GPC5: variants seen among roughly 807,000 people sequenced by gnomAD.
GPC5 encodes glypican 5.
GPC5 carries 47 observed loss-of-function variants against 53.9 expected under a neutral mutation model. The observed-to-expected ratio is 0.87, with a 90% confidence interval of 0.69 to 1.11. The LOEUF (loss-of-function observed/expected upper bound fraction) is 1.11. Among genes scored for constraint, GPC5 ranks in the 50% most tolerant of loss-of-function variants. GPC5 has a pLI of 0.00. For missense variants in GPC5, 748 were observed against 713.1 expected (o/e 1.05, Z -0.56); for synonymous variants, 286 against 263.3 (o/e 1.09, Z -0.84).
rs550763053 is a variant in GPC5 at position 92,326,442 on chromosome 13, A to G, written c.1561+181453A>G. 3.6e-4 allele frequency among the ~76,000 whole-genome samples: 55 copies of G among 152,238 alleles called. No individual in the cohort carries two copies. The Middle Eastern group carries it at 0.017, about 47-fold the overall frequency. On this transcript the variant is annotated intron_variant, in intron 7 of 7. Transcript: ENST00000377067. Reference sequence around the variant, plus strand: ...AACTTCAGCCAGTGTGTATATGTATATGTATTTGTTTGCTGTTGGTAGTTT... The same window carrying G: ...AACTTCAGCCAGTGTGTATATGTATGTGTATTTGTTTGCTGTTGGTAGTTT...
At chr13:92,630,198 G>A (rs561746330) in intron 7 of GPC5, among the ~76,000 whole-genome samples, 2 of 152,144 alleles carry the variant, frequency 1.3e-5, no homozygotes, top group Admixed American at 1.3e-4. Context: ...GCAATGGACT[G>A]TTCTACGTAA....
intron 2 of GPC5, among the ~76,000 whole-genome samples, chr13:91,515,884 A>G (rs975836841): frequency 1.3e-5 from 2 of 152,216 alleles, no homozygotes; most frequent in Admixed American, 6.5e-5. Context: ...TCTCAGAATC[A>G]TGGCAGGAGG....
intron 3 of GPC5, among the ~76,000 whole-genome samples, chr13:91,707,299 C>T (rs1274013229): frequency 1.4e-5 from 2 of 144,058 alleles, no homozygotes; most frequent in African/African-American, 3.0e-5. Context: ...AGTGAGATGC[C>T]GCTTCACACT....
chr13:92,589,773 A>C (rs1260598132), intron 7 of GPC5, among the ~76,000 whole-genome samples: 1 of 152,228 alleles, frequency 6.6e-6, no homozygotes. Flanking sequence ...TAGGATTCAG[A>C]GTTAGTATTT....
intron 6 of GPC5, among the ~76,000 whole-genome samples, chr13:92,099,068 A>G (rs577868672): frequency 6.6e-6 from 1 of 151,852 alleles, no homozygotes; most frequent in Non-Finnish European, 1.5e-5. Context: ...CCCTGCGTCT[A>G]ATTGATTATT....
intron 2 of GPC5, among the ~76,000 whole-genome samples, chr13:91,611,308 G>T (rs191277715): frequency 1.4e-4 from 21 of 152,298 alleles, no homozygotes; most frequent in Admixed American, 6.5e-4. Flanking sequence ...GGTCAAGGCT[G>T]TTAGGCATAT....
chr13:92,737,766 CTTTTTT>C (rs33914729), intron 7 of GPC5, among the ~76,000 whole-genome samples: 1 of 102,134 alleles, frequency 9.8e-6, no homozygotes, highest in African/African-American at 3.8e-5. Flanking sequence ...TTTTCTTTTT[CTTTTTT>C]TTTTTTTTTT....
At position 92,054,958 on chromosome 13, in the gene GPC5, G is replaced by A. The variant is rs1241972157; in HGVS notation, c.1402-89872G>A. Among the ~76,000 whole-genome samples, 33 of 152,106 alleles carry A rather than the reference G, an allele frequency of 2.2e-4. 1 individual carries two copies. Among genetic ancestry groups the A allele is most frequent in the Admixed American group, 2.2e-3 (33 of 15,266 alleles). On this transcript the variant is annotated intron_variant, in intron 6 of 7. Transcript: ENST00000377067. Reference sequence around the variant, plus strand: ...TATATGTACATAAAGTTAATTTTCTGTCTCAAGAGTAACAGAGATATAAAA... The same window carrying A: ...TATATGTACATAAAGTTAATTTTCTATCTCAAGAGTAACAGAGATATAAAA...
At chr13:92,675,075 T>C (rs965718982) in intron 7 of GPC5, among the ~76,000 whole-genome samples, 4 of 152,158 alleles carry the variant, frequency 2.6e-5, no homozygotes, top group African/African-American at 4.8e-5. Context: ...TGTCAAATAC[T>C]TCTTTACTTT....
At chr13:92,663,903 T>TATACACAC (rs1886478093) in intron 7 of GPC5, among the ~76,000 whole-genome samples, 1 of 83,182 alleles carries the variant, frequency 1.2e-5, no homozygotes, top group African/African-American at 5.2e-5. Flanking sequence ...TATATATATA[T>TATACACAC]ACACACACAC....
intron 6 of GPC5, among the ~76,000 whole-genome samples, chr13:92,005,006 G>A (rs1406246375): frequency 6.6e-6 from 1 of 152,118 alleles, no homozygotes; most frequent in Non-Finnish European, 1.5e-5. Context: ...CAAATTGAGG[G>A]TGGGTCTGCC....
chr13:92,279,633 G>T (rs541877253), intron 7 of GPC5, among the ~76,000 whole-genome samples: 3 of 151,672 alleles, frequency 2.0e-5, no homozygotes, highest in African/African-American at 7.3e-5. Context: ...ATTATGAAAG[G>T]GTATTGAATT....
chr13:91,982,899 A>G (rs1009697581), intron 6 of GPC5, among the ~76,000 whole-genome samples: 1 of 152,204 alleles, frequency 6.6e-6, no homozygotes, highest in Non-Finnish European at 1.5e-5. Context: ...ACCTTTACTC[A>G]CAGACACATA....
intron 4 of GPC5, among the ~76,000 whole-genome samples, chr13:91,746,241 C>T (rs1205506929): frequency 6.6e-6 from 1 of 152,114 alleles, no homozygotes; most frequent in Non-Finnish European, 1.5e-5. Context: ...AACTAGCAAA[C>T]TGCACATTTG....
chr13:92,384,657 G>T (rs1297773840), intron 7 of GPC5, among the ~76,000 whole-genome samples: 2 of 151,650 alleles, frequency 1.3e-5, no homozygotes, highest in African/African-American at 4.8e-5. Flanking sequence ...AGGGGAATAA[G>T]GTAGCCTCAC....
At chr13:92,098,178 G>C (rs2041436420) in intron 6 of GPC5, among the ~76,000 whole-genome samples, 1 of 152,022 alleles carries the variant, frequency 6.6e-6, no homozygotes, top group Non-Finnish European at 1.5e-5. Context: ...CCCTCTTGTA[G>C]GCTCCAGTGT....
intron 7 of GPC5, among the ~76,000 whole-genome samples, chr13:92,502,867 C>A (rs987273439): frequency 6.6e-6 from 1 of 151,912 alleles, no homozygotes; most frequent in Non-Finnish European, 1.5e-5. Context: ...TTGGAGCACT[C>A]CACTGGACAC....
At chr13:91,669,997 T>C (rs1287147359) in intron 2 of GPC5, among the ~76,000 whole-genome samples, 2 of 152,188 alleles carry the variant, frequency 1.3e-5, no homozygotes, top group African/African-American at 2.4e-5. Context: ...ATTGTATTAT[T>C]GGACACTGAG....
chr13:91,400,073 G>A (rs759206245), intron 1 of GPC5, among the ~76,000 whole-genome samples: 6 of 152,102 alleles, frequency 3.9e-5, no homozygotes, highest in Non-Finnish European at 5.9e-5. Context: ...GGAAGAATAG[G>A]TCATAGCTGT....
Sources: allele counts gnomAD v4.1 joint callset (sites outside exome capture counted in the v4.1 genomes callset), GRCh38; gene constraint gnomAD v4.1.1; transcripts MANE v1.5; gene names NCBI Gene and HGNC (gene_info 2026-07-23, HGNC 2026-07-21).